The following POU6F2 variants were observed in gnomAD, a reference collection of about 807,000 sequenced individuals.
POU6F2 encodes the protein POU domain, class 6, transcription factor 2.
A neutral mutation model predicts 71.3 loss-of-function variants in POU6F2; 31 were observed. The ratio of observed to expected loss-of-function variants is 0.43; its 90% CI spans 0.33 to 0.59. The LOEUF (loss-of-function observed/expected upper bound fraction) is 0.59. Ranked by LOEUF, POU6F2 falls within the 20% of genes least tolerant of loss-of-function variation. POU6F2 has a pLI of 0.04. For missense variants in POU6F2, 783 were observed against 856.8 expected, an observed-to-expected ratio of 0.91 and a Z score of 1.07; for synonymous variants, 347 against 355.7, an observed-to-expected ratio of 0.98 and a Z score of 0.27.
intron 1 of POU6F2, among the ~76,000 whole-genome samples, chr7:39,062,421 C>T (rs762628016): frequency 6.6e-5 from 10 of 151,414 alleles, no homozygotes; most frequent in Non-Finnish European, 1.3e-4. Flanking sequence ...TACCTTCCAC[C>T]CACTTCTTAC....
chr7:39,079,573 G>A (rs368150000), intron 1 of POU6F2, among the ~76,000 whole-genome samples: 2 of 152,232 alleles, frequency 1.3e-5, no homozygotes, highest in Non-Finnish European at 2.9e-5. Context: ...AGTAATTAGC[G>A]CTAAAACAAG....
chr7:39,236,670 C>T (rs1400972896), intron 4 of POU6F2, among the ~76,000 whole-genome samples: 8 of 151,974 alleles, frequency 5.3e-5, no homozygotes, highest in South Asian at 2.1e-4. Context: ...ACATGATAAG[C>T]GTATAAGTAG....
At chr7:39,087,604 A>G (rs1243868637) in intron 2 of POU6F2, among the ~76,000 whole-genome samples, 1 of 152,202 alleles carries the variant, frequency 6.6e-6, no homozygotes, top group East Asian at 1.9e-4. Flanking sequence ...ATGATAAATT[A>G]CAGAAAGGTA....
intron 4 of POU6F2, among the ~76,000 whole-genome samples, chr7:39,305,324 A>G (rs1010608655): frequency 1.3e-5 from 2 of 152,290 alleles, no homozygotes; most frequent in Non-Finnish European, 2.9e-5. Flanking sequence ...TGCACTTCTT[A>G]CTGTATAATC....
At chr7:39,079,204 T>C (rs904078374) in intron 1 of POU6F2, among the ~76,000 whole-genome samples, 2 of 138,492 alleles carry the variant, frequency 1.4e-5, no homozygotes, top group East Asian at 2.1e-4. Flanking sequence ...TTTTTTTTTT[T>C]CCGAGACGGA....
chr7:39,017,538 C>T (rs1006280055), intron 1 of POU6F2, among the ~76,000 whole-genome samples: 1 of 152,124 alleles, frequency 6.6e-6, no homozygotes, highest in Non-Finnish European at 1.5e-5. Flanking sequence ...TGGAAAGCAT[C>T]AGGAGGTCCC....
intron 2 of POU6F2, among the ~76,000 whole-genome samples, chr7:39,186,898 C>G (rs981966925): frequency 5.9e-5 from 9 of 152,216 alleles, no homozygotes; most frequent in Admixed American, 4.6e-4. Flanking sequence ...ATCTCAGTAT[C>G]TTGTCAGATC....
intron 1 of POU6F2, among the ~76,000 whole-genome samples, chr7:38,978,908 T>C (rs996338012): frequency 3.3e-5 from 5 of 152,176 alleles, no homozygotes; most frequent in Non-Finnish European, 7.3e-5. Context: ...CAGTAGTTTA[T>C]GTTTGTGTTA....
At chr7:39,035,732 T>C (rs991383943) in intron 1 of POU6F2, among the ~76,000 whole-genome samples, 12 of 152,060 alleles carry the variant, frequency 7.9e-5, no homozygotes, top group South Asian at 2.1e-4. Flanking sequence ...TTTTTTTTTT[T>C]CTCCACTCTA....
At chr7:39,412,084 C>T (rs927486522) in intron 6 of POU6F2, among the ~76,000 whole-genome samples, 36 of 152,192 alleles carry the variant, frequency 2.4e-4, no homozygotes, top group African/African-American at 8.4e-4. Context: ...AACACTGTCA[C>T]TTCTTAGTTG....
At chr7:39,000,380 C>T (rs1788867981) in intron 1 of POU6F2, among the ~76,000 whole-genome samples, 1 of 152,160 alleles carries the variant, frequency 6.6e-6, no homozygotes, top group Non-Finnish European at 1.5e-5. Flanking sequence ...ATCACTTGGA[C>T]TGTCTAGTGA....
intron 5 of POU6F2, among the ~76,000 whole-genome samples, chr7:39,364,702 A>T (rs191512533): frequency 1.3e-5 from 2 of 152,198 alleles, no homozygotes; most frequent in African/African-American, 4.8e-5. Flanking sequence ...CGTTTATGCA[A>T]TCACGAATTG....
At chr7:39,263,712 T>G (rs1199021231) in intron 4 of POU6F2, among the ~76,000 whole-genome samples, 1 of 152,126 alleles carries the variant, frequency 6.6e-6, no homozygotes, top group Non-Finnish European at 1.5e-5. Flanking sequence ...CACTTCATCT[T>G]TCTAATTACC....
intron 4 of POU6F2, among the ~76,000 whole-genome samples, chr7:39,326,488 A>T (rs1470993928): frequency 6.6e-6 from 1 of 152,266 alleles, no homozygotes; most frequent in Non-Finnish European, 1.5e-5. Flanking sequence ...TTCCATAAAC[A>T]GTCTATGGAT....
chr7:39,032,347 A>G (rs1277558556), intron 1 of POU6F2, among the ~76,000 whole-genome samples: 1 of 152,226 alleles, frequency 6.6e-6, no homozygotes, highest in Non-Finnish European at 1.5e-5. Flanking sequence ...TATTAGCATT[A>G]TTCAATTAAA....
intron 2 of POU6F2, among the ~76,000 whole-genome samples, chr7:39,131,640 T>C (rs558950604): frequency 1.1e-4 from 17 of 152,278 alleles, no homozygotes; most frequent in African/African-American, 4.1e-4. Context: ...ATTTTCTATA[T>C]CCTGGCTGTG....
intron 1 of POU6F2, among the ~76,000 whole-genome samples, chr7:38,983,921 G>GAA (rs1788394058): frequency 1.3e-5 from 2 of 152,110 alleles, no homozygotes; most frequent in African/African-American, 4.8e-5. Context: ...CTGGTCTTCA[G>GAA]AAAATAGCTT....
chr7:39,159,805 CAGAAG>C (rs1032356865), intron 2 of POU6F2, among the ~76,000 whole-genome samples: 1 of 151,612 alleles, frequency 6.6e-6, no homozygotes, highest in Non-Finnish European at 1.5e-5. Context: ...GTCAATGAAA[CAGAAG>C]AGAAGAGGAA....
intron 4 of POU6F2, among the ~76,000 whole-genome samples, chr7:39,318,579 C>G (rs1387912653): frequency 6.6e-6 from 1 of 152,186 alleles, no homozygotes; most frequent in Non-Finnish European, 1.5e-5. Flanking sequence ...GTGCATTTAA[C>G]CCAGTAGTTC....
Sources: gnomAD v4.1 joint callset for allele counts (sites outside exome capture counted in the v4.1 genomes callset) on GRCh38, gnomAD v4.1.1 for gene constraint, MANE v1.5 for transcripts, NCBI Gene and HGNC (gene_info 2026-07-23, HGNC 2026-07-21) for gene names.